EHBP1: variants seen among roughly 807,000 people sequenced by gnomAD.
EHBP1 encodes the protein EH domain binding protein 1.
EHBP1 carries 55 observed loss-of-function variants against 144.0 expected under a neutral mutation model. That is an observed-to-expected ratio of 0.38 (90% CI 0.31 to 0.48). The LOEUF (loss-of-function observed/expected upper bound fraction) is 0.48, where lower values mean the gene tolerates loss of function less well. Ranked by LOEUF, EHBP1 falls within the 20% of genes least tolerant of loss-of-function variation. The probability of loss-of-function intolerance (pLI) is 0.98; values close to 1 mark genes in which losing one functional copy is unlikely to be tolerated. For synonymous variants in EHBP1, 469 were observed against 472.7 expected (o/e 0.99, Z 0.10); for missense variants, 1,200 against 1,364.2 (o/e 0.88, Z 1.90).
At chr2:62,918,954 G>A (rs2054852894) in intron 10 of EHBP1, among the ~76,000 whole-genome samples, 1 of 152,058 alleles carries the variant, frequency 6.6e-6, no homozygotes, top group Admixed American at 6.6e-5. Flanking sequence ...AGCCTTCCAG[G>A]AGAGCCCTTA....
chr2:62,883,151 A>G (rs1334040802), intron 10 of EHBP1, among the ~76,000 whole-genome samples: 1 of 152,200 alleles, frequency 6.6e-6, no homozygotes, highest in Non-Finnish European at 1.5e-5. Context: ...TGCCAGGATT[A>G]AAATTCAGGT....
At chr2:62,940,762 G>T (rs2056708566) in intron 10 of EHBP1, among the ~76,000 whole-genome samples, 1 of 151,514 alleles carries the variant, frequency 6.6e-6, no homozygotes, top group South Asian at 2.1e-4. Flanking sequence ...ACTTCTTTTT[G>T]TTGGAAGTAC....
At chr2:62,774,056 C>G (rs1461118204) in intron 5 of EHBP1, among the ~76,000 whole-genome samples, 1 of 151,750 alleles carries the variant, frequency 6.6e-6, no homozygotes, top group Non-Finnish European at 1.5e-5. Context: ...TGAGATTTGT[C>G]TGTATTACCA....
At chr2:62,935,786 C>T (rs2056344898) in intron 10 of EHBP1, among the ~76,000 whole-genome samples, 1 of 151,928 alleles carries the variant, frequency 6.6e-6, no homozygotes, top group African/African-American at 2.4e-5. Flanking sequence ...TTTGCTGGGG[C>T]CTTTTTAGCA....
At position 63,020,980 on chromosome 2, in the gene EHBP1, AT is replaced by A. The variant is rs761382729; in HGVS notation, c.3104-16529del. Among the ~76,000 whole-genome samples, 144 of 68,580 alleles carry A rather than the reference AT, an allele frequency of 2.1e-3. 1 individual carries two copies. The highest frequency in any genetic ancestry group is 0.01 in the Middle Eastern group (1 of 100). 45.0% of individuals were successfully genotyped at this position (68,580 alleles called of 152,430 possible). On this transcript the variant is annotated intron_variant, in intron 19 of 22. Transcript: ENST00000431489. ...GGTATGAGCCACCGTGCCTGGCCTC[AT>A]TTTTTTTTTTTTTTTTTTTTTTTTT...
At chr2:62,684,946 T>C (rs2033669001) in intron 1 of EHBP1, among the ~76,000 whole-genome samples, 1 of 152,122 alleles carries the variant, frequency 6.6e-6, no homozygotes, top group African/African-American at 2.4e-5. Flanking sequence ...TGGACTCACT[T>C]ATATGTGGAA....
At chr2:62,802,936 G>C (rs189250814) in intron 5 of EHBP1, among the ~76,000 whole-genome samples, 4 of 151,998 alleles carry the variant, frequency 2.6e-5, no homozygotes, top group African/African-American at 9.7e-5. Flanking sequence ...TGTTGGCCAG[G>C]CTGGTCTCGA....
chr2:62,850,748 T>C (rs1219355199), intron 7 of EHBP1, among the ~76,000 whole-genome samples: 1 of 152,168 alleles, frequency 6.6e-6, no homozygotes, highest in African/African-American at 2.4e-5. Flanking sequence ...AAACTTCCCA[T>C]TAAAAAAATT....
intron 10 of EHBP1, among the ~76,000 whole-genome samples, chr2:62,893,547 G>T (rs970955265): frequency 1.3e-5 from 2 of 152,122 alleles, no homozygotes; most frequent in African/African-American, 4.8e-5. Flanking sequence ...TTTAGAATTT[G>T]CCAAGACAAG....
intron 4 of EHBP1, 90 bp from the exon 5 acceptor site, chr2:62,771,249 A>G (rs1196330009): frequency 1.2e-6 from 1 of 860,258 alleles, no homozygotes; most frequent in Admixed American, 2.8e-5. Flanking sequence ...AGTAAAAGCT[A>G]AAAACAAGGC....
Position 62,955,516 on chromosome 2 carries a change from G to GC in EHBP1, c.2317dup (p.His773ProfsTer6). On this transcript the variant is annotated frameshift_variant and splice_region_variant. Transcript: ENST00000431489. LOFTEE classifies it high-confidence loss of function. ...TCTAATTCTGTATCTTTGCTTTTAA[G>GC]CATCGATTGTTATCTAGACAAGAAG... The GC allele has an allele frequency of 6.2e-7, 1 of 1,600,360 alleles. No individual in the cohort carries two copies. Among genetic ancestry groups the GC allele is most frequent in the Admixed American group, 1.7e-5 (1 of 58,052 alleles).
Position 62,948,671 on chromosome 2 carries a change from T to G in EHBP1, c.1825T>G (p.Cys609Gly). ...HLSPSTASPY[C>G]RRTKSDTEPQ... ...TAGTCCAAGCACAGCCTCCCCTTAC[T>G]GTCGCAGGACTAAAAGTGACACAGA... Residue 609 changes from cysteine (C) to glycine (G), a missense_variant, in exon 13 of 23, where the codon TGT (cysteine) becomes GGT (glycine). Physicochemically the swap from Cys to Gly is radical, Grantham distance 159. Around this residue, in one of 6 missense-constraint regions of EHBP1, gnomAD observed 543 missense variants for 513.1 expected, o/e 1.06. Transcript: ENST00000431489. 6.2e-7 allele frequency: 1 copy of G among 1,614,010 alleles called. No individual in the cohort carries two copies. The highest frequency in any genetic ancestry group is 8.5e-7 in the Non-Finnish European group (1 of 1,179,976).
At chr2:63,007,168 C>T (rs959422493) in intron 19 of EHBP1, among the ~76,000 whole-genome samples, 1 of 151,736 alleles carries the variant, frequency 6.6e-6, no homozygotes, top group African/African-American at 2.4e-5. Flanking sequence ...GGCATTTTAC[C>T]AACTTTAATG....
chr2:62,699,191 G>T (rs1199063866), intron 1 of EHBP1, among the ~76,000 whole-genome samples: 2 of 152,156 alleles, frequency 1.3e-5, no homozygotes, highest in African/African-American at 4.8e-5. Context: ...GAATTATTCA[G>T]AGGAAAACAC....
At chr2:63,016,869 C>A (rs967959401) in intron 19 of EHBP1, among the ~76,000 whole-genome samples, 1 of 152,238 alleles carries the variant, frequency 6.6e-6, no homozygotes, top group African/African-American at 2.4e-5. Flanking sequence ...CCAAGGTCTT[C>A]ATGTGAACCA....
intron 19 of EHBP1, among the ~76,000 whole-genome samples, chr2:63,013,503 C>A (rs2060354602): frequency 6.6e-6 from 1 of 152,026 alleles, no homozygotes; most frequent in Admixed American, 6.6e-5. Flanking sequence ...CTAACAAATA[C>A]CCTGCTGCTT....
At chr2:63,028,009 T>G (rs1277893908) in intron 19 of EHBP1, among the ~76,000 whole-genome samples, 1 of 152,142 alleles carries the variant, frequency 6.6e-6, no homozygotes, top group Admixed American at 6.6e-5. Flanking sequence ...GCGATCCTCC[T>G]GTCTTGGCCT....
At chr2:62,676,706 T>C (rs1269573181) in intron 1 of EHBP1, among the ~76,000 whole-genome samples, 2 of 152,182 alleles carry the variant, frequency 1.3e-5, no homozygotes, top group African/African-American at 2.4e-5. Flanking sequence ...AGAAACCATA[T>C]TCCTTTTTTT....
chr2:62,949,864 A>T (rs1465540168), intron 13 of EHBP1, among the ~76,000 whole-genome samples: 1 of 152,172 alleles, frequency 6.6e-6, no homozygotes, highest in Non-Finnish European at 1.5e-5. Context: ...TATAAGATAT[A>T]CTAATATTTT....
Sources: gnomAD v4.1 joint callset for allele counts (sites outside exome capture counted in the v4.1 genomes callset) on GRCh38, gnomAD v4.1.1 for gene constraint, gnomAD v4.1.1 regional missense constraint, MANE v1.5 for transcripts, NCBI Gene and HGNC (gene_info 2026-07-23, HGNC 2026-07-21) for gene names.